The following DNAH7 variants were observed in gnomAD, a reference collection of about 807,000 sequenced individuals.
DNAH7 encodes dynein axonemal heavy chain 7, also known as axonemal beta dynein heavy chain 7.
DNAH7 carries 397 observed loss-of-function variants against 444.6 expected under a neutral mutation model. The observed-to-expected ratio is 0.89, with a 90% CI of 0.82 to 0.97. The LOEUF (loss-of-function observed/expected upper bound fraction) is 0.97. Ranked by LOEUF, DNAH7 falls within the 50% of genes least tolerant of loss-of-function variation. The pLI is 0.00. For synonymous variants in DNAH7, 1,636 were observed against 1,624.4 expected, an observed-to-expected ratio of 1.01 and a Z score of -0.17; for missense variants, 4,902 against 4,800.8, an observed-to-expected ratio of 1.02 and a Z score of -0.62.
intron 63 of DNAH7, among the ~76,000 whole-genome samples, chr2:195,742,959 A>G (rs533753718): frequency 7.9e-5 from 12 of 152,292 alleles, no homozygotes; most frequent in Admixed American, 7.8e-4. Flanking sequence ...ATTTGAGTCA[A>G]TTGGATTGGG....
intron 17 of DNAH7, among the ~76,000 whole-genome samples, chr2:195,964,144 A>C (rs1691302416): frequency 6.6e-6 from 1 of 152,064 alleles, no homozygotes; most frequent in Admixed American, 6.6e-5. Context: ...GGCAGGAGAC[A>C]AAAAAAATTT....
At chr2:195,945,468 C>T (rs1387644) in intron 19 of DNAH7, among the ~76,000 whole-genome samples, 37,089 of 152,000 alleles carry the variant, frequency 0.24, 6,097 homozygotes, top group African/African-American at 0.47. Context: ...CATGTGTTCA[C>T]GATCTTCCTT....
intron 47 of DNAH7, among the ~76,000 whole-genome samples, chr2:195,840,919 G>C (rs1698646701): frequency 6.6e-6 from 1 of 151,774 alleles, no homozygotes; most frequent in South Asian, 2.1e-4. Context: ...AAGATTTTGT[G>C]TAGTCATTTA....
chr2:195,917,293 T>C (rs1382403586), intron 24 of DNAH7, among the ~76,000 whole-genome samples: 1 of 151,950 alleles, frequency 6.6e-6, no homozygotes, highest in Non-Finnish European at 1.5e-5. Flanking sequence ...TTGACAGGTA[T>C]ATGATCTCCT....
intron 5 of DNAH7, among the ~76,000 whole-genome samples, chr2:196,045,789 A>C (rs1322317333): frequency 6.6e-6 from 1 of 152,110 alleles, no homozygotes; most frequent in African/African-American, 2.4e-5. Context: ...AACCAATAAA[A>C]ATAAAGGAAG....
intron 24 of DNAH7, among the ~76,000 whole-genome samples, chr2:195,920,081 CAG>C (rs971646951): frequency 6.6e-6 from 1 of 152,070 alleles, no homozygotes; most frequent in Non-Finnish European, 1.5e-5. Flanking sequence ...CTTGAAAACT[CAG>C]TGTTTCTAGC....
At chr2:195,750,708 C>G (rs1693746852) in intron 63 of DNAH7, among the ~76,000 whole-genome samples, 1 of 152,096 alleles carries the variant, frequency 6.6e-6, no homozygotes, top group East Asian at 1.9e-4. Flanking sequence ...TCCACCTTGT[C>G]TAATGGTGAT....
chr2:195,918,203 C>T (rs903901835), intron 24 of DNAH7, among the ~76,000 whole-genome samples: 2 of 152,186 alleles, frequency 1.3e-5, no homozygotes, highest in African/African-American at 4.8e-5. Context: ...CATCATATAT[C>T]ATTAGGGAAT....
chr2:195,994,830 T>A, intron 12 of DNAH7: 1 of 440,490 alleles, frequency 2.3e-6, no homozygotes, highest in Non-Finnish European at 4.4e-6. Flanking sequence ...GTTCATCTAA[T>A]TTTTTCTCTT....
intron 31 of DNAH7, 78 bp downstream of exon 31, chr2:195,891,577 T>C (rs1702012660): frequency 7.7e-7 from 1 of 1,298,962 alleles, no homozygotes; most frequent in Non-Finnish European, 1.0e-6. Context: ...TTAGTTTGTT[T>C]GAAAAAAAAA....
Position 195,884,648 on chromosome 2 carries a change from T to C in DNAH7, c.5700A>G (p.Ser1900=). 1 of 1,614,180 alleles carries C rather than the reference T, an allele frequency of 6.2e-7. No individual in the cohort carries two copies. Among genetic ancestry groups the C allele is most frequent in the Non-Finnish European group, 8.5e-7 (1 of 1,179,986 alleles). The stretch of plus-strand genomic sequence containing the variant: ...CAGGAAATGGGACAGTTAGTGCCTT[T>C]GAGGATGTTTGCTCAGTACCACTCT... The part of the protein sequence containing the change: ...KLQSGTEQTS[S]KALTVPFPEK... The change falls in exon 35 of 65, where the codon TCA becomes TCG. Residue 1900 remains serine (S), a synonymous_variant. Coordinates refer to ENST00000312428, the MANE Select transcript of DNAH7 (RefSeq NM_018897.3).
At chr2:195,803,908 A>G (rs1408486178) in intron 54 of DNAH7, among the ~76,000 whole-genome samples, 1 of 152,242 alleles carries the variant, frequency 6.6e-6, no homozygotes, top group Non-Finnish European at 1.5e-5. Flanking sequence ...ACTATAAACT[A>G]TTAAATTCTA....
chr2:196,056,215 C>T (rs538723046), intron 2 of DNAH7, among the ~76,000 whole-genome samples: 12 of 152,038 alleles, frequency 7.9e-5, no homozygotes, highest in African/African-American at 1.9e-4. Flanking sequence ...GAGGCCGAGG[C>T]GGGCGGATTA....
chr2:195,932,190 G>C (rs1688746050), intron 21 of DNAH7, among the ~76,000 whole-genome samples: 1 of 152,140 alleles, frequency 6.6e-6, no homozygotes, highest in East Asian at 1.9e-4. Flanking sequence ...AAGCAATTGT[G>C]AATGGGAATT....
At chr2:195,937,993 AATTAG>A (rs752447096) in intron 19 of DNAH7, among the ~76,000 whole-genome samples, 2 of 152,250 alleles carry the variant, frequency 1.3e-5, no homozygotes, top group East Asian at 1.9e-4. Context: ...AAGATTAACT[AATTAG>A]ATATTTTTGG....
intron 19 of DNAH7, among the ~76,000 whole-genome samples, chr2:195,948,181 C>A (rs1689955585): frequency 6.6e-6 from 1 of 152,008 alleles, no homozygotes; most frequent in African/African-American, 2.4e-5. Context: ...ATTGTAGATT[C>A]TGGATATTAG....
At chr2:195,776,051 A>G (rs943379638) in intron 59 of DNAH7, 68 bp from the exon 60 acceptor site, 1 of 1,577,732 alleles carries the variant, frequency 6.3e-7, no homozygotes, top group African/African-American at 1.4e-5. Flanking sequence ...TTTCACAGAA[A>G]AGAGGCAGTT....
At chr2:195,815,425 A>G (rs1697175233) in intron 51 of DNAH7, among the ~76,000 whole-genome samples, 1 of 147,198 alleles carries the variant, frequency 6.8e-6, no homozygotes, top group Non-Finnish European at 1.5e-5. Context: ...TAAAATAATA[A>G]ATCTTACTAA....
chr2:195,875,910 C>T (rs1701025747), intron 37 of DNAH7, 67 bp from the exon 38 acceptor site: 2 of 1,442,696 alleles, frequency 1.4e-6, no homozygotes, highest in Non-Finnish European at 1.9e-6. Context: ...ATTGTGTAAA[C>T]AATATTGAGG....
Sources: gnomAD v4.1 joint callset for allele counts (sites outside exome capture counted in the v4.1 genomes callset) on GRCh38, gnomAD v4.1.1 for gene constraint, MANE v1.5 for transcripts, NCBI Gene and HGNC (gene_info 2026-07-23, HGNC 2026-07-21) for gene names.